Variants in ZNF277 observed in about 807,000 individuals in gnomAD.
The protein encoded by ZNF277 is nuclear receptor-interacting factor 4.
Under a neutral mutation model 60.7 loss-of-function variants are expected in ZNF277, and 55 were observed. That is an observed-to-expected ratio of 0.91 (90% CI 0.73 to 1.13). The LOEUF is 1.13. ZNF277 is among the 50% of genes most tolerant of loss of function. The pLI, the probability that ZNF277 is intolerant of heterozygous loss-of-function variation, is 0.00. For synonymous variants in ZNF277, 178 were observed against 179.3 expected, an observed-to-expected ratio of 0.99 and a Z score of 0.06; for missense variants, 510 against 523.0, an observed-to-expected ratio of 0.98 and a Z score of 0.24.
chr7:112,334,829 A>G (rs1378032628), intron 7 of ZNF277, among the ~76,000 whole-genome samples: 1 of 150,930 alleles, frequency 6.6e-6, no homozygotes, highest in Non-Finnish European at 1.5e-5. Context: ...AAGGCATGAA[A>G]GATTTAATTC....
intron 1 of ZNF277, among the ~76,000 whole-genome samples, chr7:112,215,361 A>G (rs1222687226): frequency 6.6e-6 from 1 of 152,226 alleles, no homozygotes; most frequent in Non-Finnish European, 1.5e-5. Flanking sequence ...TGTTAAATAT[A>G]CCTTTAACCT....
chr7:112,303,005 G>A (rs1207369452), intron 4 of ZNF277, among the ~76,000 whole-genome samples: 1 of 144,412 alleles, frequency 6.9e-6, no homozygotes, highest in East Asian at 2.0e-4. Context: ...CTGGAGTGCT[G>A]TGGCACAATC....
chr7:112,206,993 C>G (rs1261693736), intron 1 of ZNF277, among the ~76,000 whole-genome samples, 186 bp downstream of exon 1: 1 of 152,170 alleles, frequency 6.6e-6, no homozygotes, highest in Non-Finnish European at 1.5e-5. Context: ...GTTGGGGCTG[C>G]CCGGGGATGG....
At chr7:112,310,478 A>AGAGAGT (rs762824873) in intron 4 of ZNF277, among the ~76,000 whole-genome samples, 2 of 125,586 alleles carry the variant, frequency 1.6e-5, no homozygotes, top group African/African-American at 7.7e-5. Flanking sequence ...AGAGAGAGAG[A>AGAGAGT]GTGTGTGTGT....
At chr7:112,282,355 C>T (rs1029332291) in intron 1 of ZNF277, among the ~76,000 whole-genome samples, 1 of 152,210 alleles carries the variant, frequency 6.6e-6, no homozygotes, top group African/African-American at 2.4e-5. Context: ...CCTTATGTAT[C>T]GGACATAAGA....
chr7:112,256,831 T>C (rs141212119), intron 1 of ZNF277, among the ~76,000 whole-genome samples: 194 of 152,276 alleles, frequency 1.3e-3, no homozygotes, highest in African/African-American at 4.4e-3. Context: ...TTGTTCAGAA[T>C]TGTTAGAAAT....
chr7:112,293,248 A>C (rs969494833), intron 2 of ZNF277, among the ~76,000 whole-genome samples: 1 of 152,162 alleles, frequency 6.6e-6, no homozygotes, highest in Non-Finnish European at 1.5e-5. Flanking sequence ...AGATCTGTGC[A>C]GATAAGCAAG....
In ZNF277 at chr7:112,207,004, C is replaced by T. The variant is rs540807649; in HGVS notation, c.91+197C>T. Among the ~76,000 whole-genome samples the T allele has an allele frequency of 1.4e-3, 206 of 152,096 alleles. 1 individual carries two copies. Among genetic ancestry groups the T allele is most frequent in the African/African-American group, 4.9e-3 (203 of 41,554 alleles). ...CTTGGTTGGGGCTGCCCGGGGATGG[C>T]GGAGAAAATGCCATGGGATGGCGGA... On this transcript the variant is annotated intron_variant, in intron 1 of 11. Transcript: ENST00000361822.
At chr7:112,327,233 G>A (rs192083501) in intron 5 of ZNF277, among the ~76,000 whole-genome samples, 1 of 152,298 alleles carries the variant, frequency 6.6e-6, no homozygotes, top group East Asian at 1.9e-4. Context: ...GAATGAAACT[G>A]TTTTATCTCA....
At chr7:112,323,373 G>A (rs1298978934) in intron 5 of ZNF277, among the ~76,000 whole-genome samples, 1 of 152,186 alleles carries the variant, frequency 6.6e-6, no homozygotes, top group Non-Finnish European at 1.5e-5. Context: ...ATTGTTTCTG[G>A]CAAATGCCCT....
intron 1 of ZNF277, among the ~76,000 whole-genome samples, chr7:112,268,458 G>A (rs1791597113): frequency 6.6e-6 from 1 of 151,766 alleles, no homozygotes; most frequent in South Asian, 2.1e-4. Context: ...CTTCCTTGAG[G>A]ACTTACAATG....
intron 4 of ZNF277, among the ~76,000 whole-genome samples, chr7:112,306,971 A>G (rs919413066): frequency 1.3e-5 from 2 of 151,920 alleles, no homozygotes; most frequent in African/African-American, 4.8e-5. Flanking sequence ...ACTCAGGAAT[A>G]ATTATATTAT....
intron 1 of ZNF277, among the ~76,000 whole-genome samples, chr7:112,272,338 T>TA (rs766070252): frequency 6.6e-5 from 10 of 152,182 alleles, no homozygotes; most frequent in African/African-American, 2.2e-4. Context: ...GACAGACACT[T>TA]ACGTTGCTTC....
chr7:112,263,059 A>C (rs1045201488), intron 1 of ZNF277, among the ~76,000 whole-genome samples: 1 of 152,144 alleles, frequency 6.6e-6, no homozygotes, highest in African/African-American at 2.4e-5. Context: ...TCCATTTCTT[A>C]CTGGCAGTGT....
At chr7:112,231,375 A>G (rs577279129) in intron 1 of ZNF277, among the ~76,000 whole-genome samples, 7 of 152,308 alleles carry the variant, frequency 4.6e-5, no homozygotes, top group African/African-American at 1.7e-4. Flanking sequence ...CTCTTATTGA[A>G]AACTTACATT....
intron 2 of ZNF277, 67 bp downstream of exon 2, chr7:112,287,141 C>G: frequency 1.3e-6 from 2 of 1,555,658 alleles, no homozygotes; most frequent in East Asian, 2.3e-5. Context: ...GTCTGTAATC[C>G]TAGTACTTTG....
At chr7:112,289,871 A>G (rs762551512) in intron 2 of ZNF277, among the ~76,000 whole-genome samples, 12 of 150,376 alleles carry the variant, frequency 8.0e-5, no homozygotes, top group South Asian at 2.1e-4. Flanking sequence ...GACTACAGGC[A>G]TGCACCACTA....
intron 4 of ZNF277, among the ~76,000 whole-genome samples, chr7:112,302,819 G>T (rs1232954255): frequency 6.6e-6 from 1 of 151,866 alleles, no homozygotes; most frequent in Non-Finnish European, 1.5e-5. Flanking sequence ...ACACAACCGT[G>T]GTTATATACA....
intron 11 of ZNF277, 78 bp from the exon 12 acceptor site, chr7:112,342,483 A>G (rs1793462621): frequency 1.6e-6 from 2 of 1,255,360 alleles, no homozygotes; most frequent in Non-Finnish European, 2.1e-6. Context: ...ACAAAATTAT[A>G]GTAAATGTGT....
Sources: gnomAD v4.1 joint callset for allele counts (sites outside exome capture counted in the v4.1 genomes callset) on GRCh38, gnomAD v4.1.1 for gene constraint, MANE v1.5 for transcripts, NCBI Gene and HGNC (gene_info 2026-07-23, HGNC 2026-07-21) for gene names.